The following CTNND2 variants were observed in gnomAD, a reference collection of about 807,000 sequenced individuals.
CTNND2 encodes catenin delta 2.
Under a neutral mutation model 144.4 loss-of-function variants are expected in CTNND2, and 22 were observed. The ratio of observed to expected loss-of-function variants is 0.15; its 90% confidence interval spans 0.11 to 0.22. CTNND2 has a LOEUF of 0.22. CTNND2 is among the 10% of genes least tolerant of loss of function. CTNND2 has a pLI of 1.00. For missense variants in CTNND2, 1,353 were observed against 1,618.8 expected (o/e 0.84, Z 2.82); for synonymous variants, 751 against 695.6 (o/e 1.08, Z -1.25).
intron 13 of CTNND2, among the ~76,000 whole-genome samples, chr5:11,115,623 T>C (rs1425681806): frequency 3.3e-5 from 5 of 152,226 alleles, no homozygotes; most frequent in Admixed American, 3.3e-4. Context: ...TCTAAAATGG[T>C]CACTTAAGGC....
intron 3 of CTNND2, among the ~76,000 whole-genome samples, chr5:11,513,392 C>T (rs1029370600): frequency 6.6e-6 from 1 of 152,152 alleles, no homozygotes; most frequent in Non-Finnish European, 1.5e-5. Context: ...TTTCCAAATA[C>T]CCTCAAGATA....
chr5:11,312,457 A>T (rs977383164), intron 9 of CTNND2, among the ~76,000 whole-genome samples: 13 of 152,108 alleles, frequency 8.5e-5, no homozygotes, highest in African/African-American at 2.9e-4. Flanking sequence ...AAAATGAAGA[A>T]GCAAAAGCAG....
chr5:11,838,929 C>T (rs1211803264), intron 1 of CTNND2, among the ~76,000 whole-genome samples: 11 of 152,114 alleles, frequency 7.2e-5, no homozygotes. Context: ...TATTCTCTAA[C>T]TCAAAGTTAG....
chr5:11,181,909 GGT>G lies in CTNND2; in HGVS notation c.1975+17537_1975+17538del, dbSNP rs757532212. On this transcript the variant is annotated intron_variant, in intron 11 of 21. Transcript: ENST00000304623. ...ATGGATGTGTGTGGTGTGTATGTGT[GGT>G]GTGTGTGGAGGCTATGTGTGTGGTG... is the stretch of plus-strand genomic sequence containing the variant. Among the ~76,000 whole-genome samples, 1,357 of 144,294 alleles carry G rather than the reference GGT, an allele frequency of 9.4e-3. 25 individuals are homozygous for G. Among genetic ancestry groups the G allele is most frequent in the Non-Finnish European group, 0.015 (1,029 of 66,702 alleles). 94.7% of individuals were successfully genotyped at this position (144,294 alleles called of 152,430 possible). A position where few individuals can be genotyped will look rare whatever the true frequency, so the allele number is the denominator to read the frequency against.
intron 2 of CTNND2, among the ~76,000 whole-genome samples, chr5:11,718,579 A>C (rs1786484096): frequency 1.3e-5 from 2 of 152,242 alleles, no homozygotes; most frequent in East Asian, 1.9e-4. Context: ...AGCAACAAAA[A>C]TGACCTGATT....
At chr5:11,883,686 T>G (rs905113970) in intron 1 of CTNND2, among the ~76,000 whole-genome samples, 1 of 152,132 alleles carries the variant, frequency 6.6e-6, no homozygotes, top group Non-Finnish European at 1.5e-5. Flanking sequence ...AATCCTTCGG[T>G]TATATACCCA....
At chr5:11,797,080 G>A (rs1486633581) in intron 1 of CTNND2, among the ~76,000 whole-genome samples, 1 of 152,150 alleles carries the variant, frequency 6.6e-6, no homozygotes, top group Non-Finnish European at 1.5e-5. Context: ...TACAGATCCC[G>A]AAAATGGCAA....
intron 18 of CTNND2, among the ~76,000 whole-genome samples, chr5:11,010,070 C>T (rs1308859784): frequency 2.0e-5 from 3 of 152,210 alleles, no homozygotes; most frequent in African/African-American, 7.2e-5. Flanking sequence ...AAAGAAAGAA[C>T]TTGAGGAGCT....
At chr5:11,485,339 C>T (rs1768695129) in intron 3 of CTNND2, among the ~76,000 whole-genome samples, 2 of 143,020 alleles carry the variant, frequency 1.4e-5, no homozygotes, top group Non-Finnish European at 3.0e-5. Flanking sequence ...GAGAGAGAGA[C>T]AGAGACTGTG....
chr5:11,758,043 T>C (rs1047279781), intron 1 of CTNND2, among the ~76,000 whole-genome samples: 9 of 151,996 alleles, frequency 5.9e-5, no homozygotes, highest in Admixed American at 4.6e-4. Flanking sequence ...TGTTTGGATG[T>C]AATAGTTCTT....
chr5:11,799,875 T>C lies in CTNND2; in HGVS notation c.38-67603A>G, dbSNP rs187135319. ...AAGTCACACAACACACAAAGAGGAA[T>C]GCTAGATTCAGACTCATATCAAAAC... On this transcript the variant is annotated intron_variant, in intron 1 of 21. Coordinates refer to ENST00000304623, the MANE Select transcript of CTNND2 (RefSeq NM_001332.4). 2.5e-3 allele frequency among the ~76,000 whole-genome samples: 378 copies of C among 152,254 alleles called. 3 individuals carry two copies. Among genetic ancestry groups the C allele is most frequent in the African/African-American group, 8.6e-3 (359 of 41,544 alleles).
intron 19 of CTNND2, among the ~76,000 whole-genome samples, chr5:10,990,087 CAGCA>C (rs2149496833): frequency 6.6e-6 from 1 of 152,336 alleles, no homozygotes; most frequent in East Asian, 1.9e-4. Flanking sequence ...CAGACAGCTG[CAGCA>C]CCTTCATCAC....
intron 2 of CTNND2, among the ~76,000 whole-genome samples, chr5:11,693,069 C>T (rs1239512174): frequency 6.6e-6 from 1 of 152,048 alleles, no homozygotes; most frequent in African/African-American, 2.4e-5. Flanking sequence ...ATTCAGAGTC[C>T]AAAAACCAAG....
rs564421230 is a variant in CTNND2, at chr5:11,858,271, T to C, written c.37+45546A>G. On this transcript the variant is annotated intron_variant, in intron 1 of 21. Coordinates refer to ENST00000304623, the MANE Select transcript of CTNND2 (RefSeq NM_001332.4). ...AAAATAGGTGGCAAAGTTGGTTTTA[T>C]ATAATATTGCCTTATAAATGATGTC... is the stretch of plus-strand genomic sequence containing the variant. Among the ~76,000 whole-genome samples the C allele has an allele frequency of 1.5e-3, 233 of 152,346 alleles. 1 individual carries two copies. The highest frequency in any genetic ancestry group is 5.4e-3 in the African/African-American group (224 of 41,582).
At position 11,404,599 on chromosome 5, in the gene CTNND2, A is replaced by ATTTT. The variant is rs1405789135; in HGVS notation, c.439+6936_439+6937insAAAA. On this transcript the variant is annotated intron_variant, in intron 5 of 21. Coordinates refer to ENST00000304623, the MANE Select transcript of CTNND2 (RefSeq NM_001332.4). ...TTGATCAGTATCTGTCAGTATCTGT[A>ATTTT]TTCTTTTTTTTTTTTTTTTTTTTTT... 1.2e-3 allele frequency among the ~76,000 whole-genome samples: 39 copies of ATTTT among 32,820 alleles called. 1 individual carries two copies. Among genetic ancestry groups the ATTTT allele is most frequent in the Non-Finnish European group, 3.3e-3 (34 of 10,376 alleles). 21.5% of individuals were successfully genotyped at this position (32,820 alleles called of 152,430 possible).
intron 1 of CTNND2, among the ~76,000 whole-genome samples, chr5:11,843,019 A>G (rs1197974951): frequency 2.0e-5 from 3 of 152,212 alleles, no homozygotes; most frequent in African/African-American, 7.2e-5. Context: ...AACAAGAATT[A>G]GAACCCTGCT....
chr5:11,851,309 C>T (rs1795002240), intron 1 of CTNND2, among the ~76,000 whole-genome samples: 1 of 151,958 alleles, frequency 6.6e-6, no homozygotes, highest in African/African-American at 2.4e-5. Flanking sequence ...GTTCTGTTTC[C>T]CTAGAATGAA....
chr5:11,390,469 A>G (rs1020504119), intron 6 of CTNND2, among the ~76,000 whole-genome samples: 1 of 152,184 alleles, frequency 6.6e-6, no homozygotes, highest in African/African-American at 2.4e-5. Flanking sequence ...AATCCCCCCA[A>G]TGCTTATATC....
chr5:11,437,514 C>T (rs1266899747), intron 3 of CTNND2, among the ~76,000 whole-genome samples: 1 of 151,960 alleles, frequency 6.6e-6, no homozygotes, highest in Admixed American at 6.6e-5. Flanking sequence ...GAAGAAATGC[C>T]AACGGAGAGA....
Sources: gnomAD v4.1 joint callset for allele counts (sites outside exome capture counted in the v4.1 genomes callset) on GRCh38, gnomAD v4.1.1 for gene constraint, MANE v1.5 for transcripts, NCBI Gene and HGNC (gene_info 2026-07-23, HGNC 2026-07-21) for gene names.